Variants in SEPTIN10 observed in about 807,000 individuals in gnomAD.
SEPTIN10 encodes septin 10, also known as septin-10.
A neutral mutation model predicts 54.8 loss-of-function variants in SEPTIN10; 66 were observed. The observed-to-expected ratio is 1.21, with a 90% CI of 0.99 to 1.48. SEPTIN10 has a LOEUF of 1.48. Among genes scored for constraint, SEPTIN10 ranks in the 40% most tolerant of loss-of-function variants. The pLI, the probability that SEPTIN10 is intolerant of heterozygous loss-of-function variation, is 0.00. For synonymous variants in SEPTIN10, 161 were observed against 181.0 expected (o/e 0.89, Z 0.89); for missense variants, 620 against 545.6 (o/e 1.14, Z -1.36).
At chr2:109,582,110 A>ACACTCACT (rs1553437767) in intron 4 of SEPTIN10, among the ~76,000 whole-genome samples, 1 of 134,856 alleles carries the variant, frequency 7.4e-6, no homozygotes, top group South Asian at 2.5e-4. Context: ...ACACACACAC[A>ACACTCACT]CACTCACTCT....
At chr2:109,608,593 T>C (rs1480306272) in intron 1 of SEPTIN10, among the ~76,000 whole-genome samples, 1 of 152,196 alleles carries the variant, frequency 6.6e-6, no homozygotes, top group Non-Finnish European at 1.5e-5. Flanking sequence ...CCTGACCAGG[T>C]AGCCTATTTA....
chr2:109,544,131 C>G lies in SEPTIN10; in HGVS notation c.*178G>C. On this transcript the variant is annotated 3_prime_UTR_variant, in exon 11 of 11. Transcript: ENST00000397712. ...TGCTCAACTTGTAGTATCATTCACTCTGGCTTATGTATTGACCTTGTACTT... is the reference window on the plus strand; with the variant it reads ...TGCTCAACTTGTAGTATCATTCACTGTGGCTTATGTATTGACCTTGTACTT... The G allele has an allele frequency of 4.6e-6, 7 of 1,532,294 alleles. No individual in the cohort carries two copies. In the South Asian group the frequency reaches 8.4e-5, roughly 18 times the overall value. The allele number at this position is 1,532,294 out of a possible 1,614,324, so 94.9% of individuals were successfully genotyped here. A position where few individuals can be genotyped will look rare whatever the true frequency, so the allele number is the denominator to read the frequency against.
At chr2:109,613,172 A>G (rs2106408264) in intron 1 of SEPTIN10, 1 of 1,288,892 alleles carries the variant, frequency 7.8e-7, no homozygotes, top group Non-Finnish European at 1.0e-6. Context: ...AAATAGTTGT[A>G]ACCACACTTG....
chr2:109,553,624 G>T (rs997296169), intron 8 of SEPTIN10, among the ~76,000 whole-genome samples: 4 of 146,896 alleles, frequency 2.7e-5, no homozygotes, highest in African/African-American at 1.0e-4. Flanking sequence ...AGGCTGAGGT[G>T]GGCAGATCAC....
intron 10 of SEPTIN10, chr2:109,544,664 A>G: frequency 1.1e-6 from 1 of 911,542 alleles, no homozygotes; most frequent in Non-Finnish European, 1.3e-6. Context: ...GAAAAAAGGT[A>G]TTAATAAAAG....
intron 9 of SEPTIN10, among the ~76,000 whole-genome samples, chr2:109,548,066 A>C (rs545821108): frequency 1.3e-5 from 2 of 152,218 alleles, no homozygotes; most frequent in Non-Finnish European, 2.9e-5. Flanking sequence ...ATGTAGAAGA[A>C]CTAGTAATGA....
At chr2:109,601,986 T>C (rs188594914) in intron 1 of SEPTIN10, among the ~76,000 whole-genome samples, 1 of 152,102 alleles carries the variant, frequency 6.6e-6, no homozygotes, top group African/African-American at 2.4e-5. Flanking sequence ...GACCCATGAA[T>C]AGACTAGTGA....
chr2:109,572,170 G>A (rs895105067), intron 5 of SEPTIN10, among the ~76,000 whole-genome samples: 2 of 151,866 alleles, frequency 1.3e-5, no homozygotes, highest in Non-Finnish European at 2.9e-5. Context: ...TCGCTCTGTC[G>A]CCTAGGCTGG....
In SEPTIN10 at chr2:109,599,180, G is replaced by A. The variant is rs369048626; in HGVS notation, c.31-6061C>T. Reference sequence around the variant, plus strand: ...AAAAAAAAGAACTCAAGTGGAGGCCGGGCGCGGTGGCTCACACCTGTAACC... The same window carrying A: ...AAAAAAAAGAACTCAAGTGGAGGCCAGGCGCGGTGGCTCACACCTGTAACC... On this transcript the variant is annotated intron_variant, in intron 1 of 10. Coordinates refer to ENST00000397712, the MANE Select transcript of SEPTIN10 (RefSeq NM_144710.5). 1.2e-4 allele frequency among the ~76,000 whole-genome samples: 18 copies of A among 152,162 alleles called. No homozygotes were observed. The East Asian group carries it at 1.4e-3, about 11-fold the overall frequency.
At chr2:109,584,408 G>A (rs1691960679) in intron 4 of SEPTIN10, among the ~76,000 whole-genome samples, 2 of 146,460 alleles carry the variant, frequency 1.4e-5, no homozygotes, top group Admixed American at 1.4e-4. Context: ...TGGGGAGGTG[G>A]AGGTTGCAGT....
intron 10 of SEPTIN10, chr2:109,545,355 A>G: frequency 6.7e-7 from 1 of 1,498,844 alleles, no homozygotes; most frequent in Admixed American, 2.2e-5. Flanking sequence ...CTTATTTTCT[A>G]AAACTTGGGT....
chr2:109,574,558 GTTGATTCC>G lies in SEPTIN10; in HGVS notation c.600+15_600+22del. 7.0e-7 allele frequency: 1 copy of G among 1,431,660 alleles called. No homozygotes were observed. Among genetic ancestry groups the G allele is most frequent in the Non-Finnish European group, 9.2e-7 (1 of 1,081,458 alleles). 88.7% of individuals were successfully genotyped at this position (1,431,660 alleles called of 1,614,324 possible). ...AAAAATAAATATTAAAGTATGGTAAGTTGATTCCTTTCCTCAACCCACCTTGCTGTCAA... is the reference window on the plus strand; with the variant it reads ...AAAAATAAATATTAAAGTATGGTAAGTTTCCTCAACCCACCTTGCTGTCAA... On this transcript the variant is annotated intron_variant, in intron 5 of 10. Coordinates refer to ENST00000397712, the MANE Select transcript of SEPTIN10 (RefSeq NM_144710.5).
rs1681171677 is a variant in SEPTIN10, at chr2:109,546,140, A to G, written c.1259T>C (p.Phe420Ser). 2 of 1,610,970 alleles carry G rather than the reference A, an allele frequency of 1.2e-6. No individual in the cohort carries two copies. The highest frequency in any genetic ancestry group is 2.2e-5 in the South Asian group (2 of 90,710). ...RRLLEEEIIA[F>S]SKKKATSEIF... The stretch of plus-strand genomic sequence containing the variant: ...CTCGGAGGTAGCTTTCTTTTTAGAG[A>G]AAGCAATTATTTCTTCTTCCAAAAG... The change falls in exon 10 of 11, where the codon TTC becomes TCC. Residue 420 changes from phenylalanine (F) to serine (S), a missense_variant. Phe to Ser is a radical substitution (Grantham distance 155). Transcript: ENST00000397712.
rs1699889473 is a variant in SEPTIN10, at chr2:109,613,950, T to A, written c.-123A>T. 2.7e-6 allele frequency: 3 copies of A among 1,112,756 alleles called. No homozygotes were observed. Among genetic ancestry groups the A allele is most frequent in the African/African-American group, 3.3e-5 (2 of 60,708 alleles). The allele number at this position is 1,112,756 out of a possible 1,614,324, so 68.9% of individuals were successfully genotyped here. A position where few individuals can be genotyped will look rare whatever the true frequency, so the allele number is the denominator to read the frequency against. On this transcript the variant is annotated 5_prime_UTR_variant, in exon 1 of 11. Coordinates refer to ENST00000397712, the MANE Select transcript of SEPTIN10 (RefSeq NM_144710.5). Reference sequence around the variant, plus strand: ...GGGCGGGGCGCGAGGCTAGGCTGCCTCCGCGACGGGGAAGGGACAGGGGCG... The same window carrying A: ...GGGCGGGGCGCGAGGCTAGGCTGCCACCGCGACGGGGAAGGGACAGGGGCG...
chr2:109,601,976 G>T (rs1414477579), intron 1 of SEPTIN10, among the ~76,000 whole-genome samples: 1 of 152,130 alleles, frequency 6.6e-6, no homozygotes, highest in Admixed American at 6.5e-5. Context: ...GAAAAACCAG[G>T]ACCCATGAAT....
chr2:109,613,022 A>G, intron 1 of SEPTIN10: 1 of 512,698 alleles, frequency 2.0e-6, no homozygotes, highest in Non-Finnish European at 3.6e-6. Context: ...GAAAACCACC[A>G]ATGTTTACTA....
intron 1 of SEPTIN10, among the ~76,000 whole-genome samples, chr2:109,611,269 G>GCC: frequency 6.6e-6 from 1 of 152,272 alleles, no homozygotes; most frequent in East Asian, 1.9e-4. Context: ...GGGATCTAAG[G>GCC]TTAGGCAAAG....
chr2:109,593,071 C>A lies in SEPTIN10; in HGVS notation c.79G>T (p.Gly27Ter). The change falls in exon 2 of 11, where the codon GGA becomes TGA. Residue 27 changes from glycine (G) to a stop codon, truncating the protein, a stop_gained. Coordinates refer to ENST00000397712, the MANE Select transcript of SEPTIN10 (RefSeq NM_144710.5). LOFTEE classifies it high-confidence loss of function. The part of the protein sequence containing the change: ...ATKTTCMSSQ[G>*]SDDEQIKREN... ...CTCACTATCTGTTCATCATCTGATC[C>A]TTGTGAAGACATACAAGTTGTTTTC... The A allele has an allele frequency of 6.3e-7, 1 of 1,598,818 alleles. No homozygotes were observed. Among genetic ancestry groups the A allele is most frequent in the Non-Finnish European group, 8.5e-7 (1 of 1,173,242 alleles).
Position 109,613,901 on chromosome 2 carries a change from G to A in SEPTIN10, c.-74C>T. 1 of 1,229,070 alleles carries A rather than the reference G, an allele frequency of 8.1e-7. No individual in the cohort carries two copies. The highest frequency in any genetic ancestry group is 1.0e-6 in the Non-Finnish European group (1 of 986,450). 76.1% of individuals were successfully genotyped at this position (1,229,070 alleles called of 1,614,324 possible). A position where few individuals can be genotyped will look rare whatever the true frequency, so the allele number is the denominator to read the frequency against. On this transcript the variant is annotated 5_prime_UTR_variant, in exon 1 of 11. Coordinates refer to ENST00000397712, the MANE Select transcript of SEPTIN10 (RefSeq NM_144710.5). Reference sequence around the variant, plus strand: ...GCGGCTGGTCCCGGCGACGGCGGCGGGAAGGCCGGAGGGCAGAAGCAACGG... The same window carrying A: ...GCGGCTGGTCCCGGCGACGGCGGCGAGAAGGCCGGAGGGCAGAAGCAACGG...
Sources: allele counts gnomAD v4.1 joint callset (sites outside exome capture counted in the v4.1 genomes callset), GRCh38; gene constraint gnomAD v4.1.1; transcripts MANE v1.5; gene names NCBI Gene and HGNC (gene_info 2026-07-23, HGNC 2026-07-21).